The following SEC23A variants were observed in gnomAD, a reference collection of about 807,000 sequenced individuals.
SEC23A encodes SEC23 homolog A, COPII component.
In SEC23A, 56 loss-of-function variants were observed where a neutral mutation model predicts 103.7. The ratio of observed to expected loss-of-function variants is 0.54; its 90% CI spans 0.44 to 0.67. The LOEUF (loss-of-function observed/expected upper bound fraction) is 0.67, where lower values mean the gene tolerates loss of function less well. Ranked by LOEUF, SEC23A falls within the 30% of genes least tolerant of loss-of-function variation. The pLI, the probability that SEC23A is intolerant of heterozygous loss-of-function variation, is 0.00. For missense variants in SEC23A, 784 were observed against 936.4 expected (o/e 0.84, Z 2.12); for synonymous variants, 281 against 293.0 (o/e 0.96, Z 0.42).
intron 13 of SEC23A, among the ~76,000 whole-genome samples, chr14:39,057,093 T>C (rs1033338556): frequency 6.6e-6 from 1 of 151,982 alleles, no homozygotes. Context: ...GCAGGCAGAT[T>C]GCTTGAGCTC....
intron 5 of SEC23A, among the ~76,000 whole-genome samples, chr14:39,089,924 C>T (rs1487998903): frequency 2.6e-5 from 4 of 152,234 alleles, no homozygotes; most frequent in African/African-American, 9.6e-5. Flanking sequence ...CCAATGCAGT[C>T]CAGCCTGGGT....
At chr14:39,093,788 G>A (rs1887747463) in intron 2 of SEC23A, among the ~76,000 whole-genome samples, 1 of 151,966 alleles carries the variant, frequency 6.6e-6, no homozygotes, top group South Asian at 2.1e-4. Context: ...CATATATACA[G>A]CAAATATCAA....
At chr14:39,070,165 G>A (rs374174928) in intron 9 of SEC23A, among the ~76,000 whole-genome samples, 3 of 152,324 alleles carry the variant, frequency 2.0e-5, no homozygotes, top group East Asian at 3.9e-4. Context: ...AGCTCCATGC[G>A]GGCAAAGATT....
intron 7 of SEC23A, among the ~76,000 whole-genome samples, chr14:39,079,195 G>C (rs952082621): frequency 3.9e-5 from 6 of 152,038 alleles, no homozygotes; most frequent in Non-Finnish European, 8.8e-5. Context: ...CCAATGAAAT[G>C]AGAGGGCCAT....
intron 13 of SEC23A, among the ~76,000 whole-genome samples, chr14:39,061,286 C>T (rs770248079): frequency 2.6e-5 from 4 of 151,812 alleles, no homozygotes; most frequent in South Asian, 2.1e-4. Flanking sequence ...TCACGGCTTC[C>T]GCATTCATAC....
At chr14:39,063,290 G>A (rs772513113) in intron 12 of SEC23A, 34 bp downstream of exon 12, 2 of 1,262,222 alleles carry the variant, frequency 1.6e-6, no homozygotes, top group African/African-American at 1.5e-5. Flanking sequence ...AATGTACGTT[G>A]TACGTTTTGA....
chr14:39,083,253 A>T (rs1177276668), intron 7 of SEC23A, among the ~76,000 whole-genome samples: 1 of 152,134 alleles, frequency 6.6e-6, no homozygotes, highest in East Asian at 1.9e-4. Flanking sequence ...TTCTATTCAA[A>T]GTCATCCCTC....
At chr14:39,041,988 T>C (rs1376710890) in intron 17 of SEC23A, among the ~76,000 whole-genome samples, 3 of 152,186 alleles carry the variant, frequency 2.0e-5, no homozygotes, top group African/African-American at 7.2e-5. Flanking sequence ...GGTCTCACTA[T>C]GATGCCCAGG....
chr14:39,062,047 T>G (rs1683389184), intron 12 of SEC23A, among the ~76,000 whole-genome samples, 176 bp from the exon 13 acceptor site: 2 of 152,132 alleles, frequency 1.3e-5, no homozygotes, highest in African/African-American at 2.4e-5. Context: ...GAGAAATTAA[T>G]TTGGAGAGGA....
intron 7 of SEC23A, among the ~76,000 whole-genome samples, chr14:39,079,676 G>A (rs551521982): frequency 2.0e-5 from 3 of 152,170 alleles, no homozygotes; most frequent in African/African-American, 7.2e-5. Flanking sequence ...CAAAAAATTA[G>A]CCAGGCGGGG....
At chr14:39,038,202 T>A (rs1885522478) in intron 19 of SEC23A, among the ~76,000 whole-genome samples, 1 of 152,212 alleles carries the variant, frequency 6.6e-6, no homozygotes, top group Non-Finnish European at 1.5e-5. Flanking sequence ...AATTTCCAAT[T>A]ACTGAAATAA....
intron 6 of SEC23A, 136 bp from the exon 7 acceptor site, chr14:39,086,042 T>A: frequency 1.3e-6 from 1 of 782,836 alleles, no homozygotes; most frequent in Non-Finnish European, 2.2e-6. Context: ...AACTTTCGTG[T>A]ATATGAGAAC....
intron 9 of SEC23A, among the ~76,000 whole-genome samples, chr14:39,070,288 T>G (rs1016294440): frequency 6.6e-6 from 1 of 152,202 alleles, no homozygotes; most frequent in South Asian, 2.1e-4. Context: ...TGAGAAAGTG[T>G]TGACATATCT....
At chr14:39,048,386 GA>G (rs1230101176) in intron 15 of SEC23A, among the ~76,000 whole-genome samples, 3 of 151,788 alleles carry the variant, frequency 2.0e-5, no homozygotes, top group Non-Finnish European at 4.4e-5. Flanking sequence ...GGCCAAGGCA[GA>G]AGAACTGCTT....
intron 19 of SEC23A, among the ~76,000 whole-genome samples, chr14:39,034,809 A>G (rs1201404477): frequency 1.3e-5 from 2 of 152,194 alleles, no homozygotes; most frequent in African/African-American, 2.4e-5. Flanking sequence ...GCAGAAAGGT[A>G]CAAGCTTTAC....
chr14:39,090,245 A>T (rs1192415916), intron 5 of SEC23A, among the ~76,000 whole-genome samples: 4 of 152,178 alleles, frequency 2.6e-5, no homozygotes, highest in African/African-American at 9.7e-5. Flanking sequence ...CTTCTAGGGT[A>T]AATGTTCTCA....
At chr14:39,036,320 C>CAAAAAAA (rs59018206) in intron 19 of SEC23A, among the ~76,000 whole-genome samples, 9 of 69,888 alleles carry the variant, frequency 1.3e-4, no homozygotes, top group African/African-American at 1.6e-4. Context: ...GACTCCGTCT[C>CAAAAAAA]AAAAAAAAAA....
At chr14:39,083,348 C>T (rs1468972394) in intron 7 of SEC23A, among the ~76,000 whole-genome samples, 1 of 152,000 alleles carries the variant, frequency 6.6e-6, no homozygotes, top group African/African-American at 2.4e-5. Context: ...CTGTGTCTCT[C>T]ACCTACCTGT....
At chr14:39,073,391 C>G (rs1886900749) in intron 9 of SEC23A, among the ~76,000 whole-genome samples, 2 of 151,866 alleles carry the variant, frequency 1.3e-5, no homozygotes, top group Admixed American at 1.3e-4. Flanking sequence ...CCTCCAGGTT[C>G]AAGTGATTCT....
Sources: gnomAD v4.1 joint callset for allele counts (sites outside exome capture counted in the v4.1 genomes callset) on GRCh38, gnomAD v4.1.1 for gene constraint, MANE v1.5 for transcripts, NCBI Gene and HGNC (gene_info 2026-07-23, HGNC 2026-07-21) for gene names.